The following GRIN2D variants were observed in gnomAD, a reference collection of about 807,000 sequenced individuals.
The protein encoded by GRIN2D is glutamate receptor ionotropic, NMDA 2D.
A neutral mutation model predicts 103.2 loss-of-function variants in GRIN2D; 37 were observed. The observed-to-expected ratio is 0.36, with a 90% CI of 0.28 to 0.47. GRIN2D has a LOEUF of 0.47. Among genes scored for constraint, GRIN2D ranks in the 20% least tolerant of loss-of-function variants. GRIN2D has a pLI of 1.00. For synonymous variants in GRIN2D, 845 were observed against 885.6 expected (o/e 0.95, Z 0.81); for missense variants, 1,557 against 1,910.6 (o/e 0.81, Z 3.45).
At chr19:48,396,556 T>TG (rs1320807888) in intron 2 of GRIN2D, among the ~76,000 whole-genome samples, 8 of 110,002 alleles carry the variant, frequency 7.3e-5, no homozygotes, top group South Asian at 3.0e-4. Flanking sequence ...TGGGGCGGAG[T>TG]GGGGGGGTTA....
intron 2 of GRIN2D, among the ~76,000 whole-genome samples, chr19:48,397,697 C>G (rs1256724051): frequency 6.6e-6 from 1 of 151,928 alleles, no homozygotes; most frequent in African/African-American, 2.4e-5. Flanking sequence ...TCCGTCCTCT[C>G]TCTCTCCGTC....
At chr19:48,397,950 C>G (rs1239658030) in intron 2 of GRIN2D, among the ~76,000 whole-genome samples, 2 of 151,822 alleles carry the variant, frequency 1.3e-5, no homozygotes, top group Non-Finnish European at 2.9e-5. Context: ...CTGTCTCGCC[C>G]TATCTCTGCG....
intron 4 of GRIN2D, among the ~76,000 whole-genome samples, chr19:48,406,316 G>T (rs1343674096): frequency 6.6e-6 from 1 of 152,252 alleles, no homozygotes; most frequent in Non-Finnish European, 1.5e-5. Flanking sequence ...CTGGACAGGT[G>T]TGTGCCCAAC....
intron 9 of GRIN2D, 74 bp downstream of exon 9, chr19:48,419,433 GC>G (rs1970988698): frequency 1.3e-6 from 2 of 1,530,978 alleles, no homozygotes; most frequent in Admixed American, 2.0e-5. Flanking sequence ...TTTCCCAGCA[GC>G]CCCTGGAGGG....
Position 48,406,198 on chromosome 19 carries a change from A to G in GRIN2D, c.1085+845A>G, listed in dbSNP as rs142905102. ...GACGTCCATTCCTGGCTAGACGTCC[A>G]TTCTGATTGGCTAGTGCCTGTGCAG... On this transcript the variant is annotated intron_variant, in intron 4 of 13. Coordinates refer to ENST00000263269, the MANE Select transcript of GRIN2D (RefSeq NM_000836.4). 2.5e-4 allele frequency among the ~76,000 whole-genome samples: 38 copies of G among 152,316 alleles called. 1 individual carries two copies. Among genetic ancestry groups the G allele is most frequent in the Middle Eastern group, 3.4e-3 (1 of 294 alleles).
chr19:48,427,196 C>G (rs1971096514), intron 11 of GRIN2D, among the ~76,000 whole-genome samples: 1 of 151,926 alleles, frequency 6.6e-6, no homozygotes, highest in African/African-American at 2.4e-5. Context: ...TGGCAGGCAC[C>G]TGTAATCCCA....
rs1971017204 is a variant in GRIN2D at position 48,421,141 on chromosome 19, T to G, written c.2092-644T>G. Among the ~76,000 whole-genome samples the G allele has an allele frequency of 6.6e-6, 1 of 152,168 alleles. No individual in the cohort carries two copies. The highest frequency in any genetic ancestry group is 2.4e-5 in the African/African-American group (1 of 41,444). ...TAAGTTTGGTTTTACAAAACTTGTTTTAGTTGTCTGGGCGCGGTGGCTTAT... is the reference window on the plus strand; with the variant it reads ...TAAGTTTGGTTTTACAAAACTTGTTGTAGTTGTCTGGGCGCGGTGGCTTAT... On this transcript the variant is annotated intron_variant, in intron 10 of 13. Coordinates refer to ENST00000263269, the MANE Select transcript of GRIN2D (RefSeq NM_000836.4). This position sits in a 1 kb window ranked among gnomAD's most constrained non-coding sequence, Gnocchi z 4.8.
chr19:48,442,436 G>A lies in GRIN2D; in HGVS notation c.2673+54G>A, dbSNP rs1971308916. ...GGGAGATGGCAGGGGCGGGGACAAA[G>A]GTAAAGCCGAGCAGAGACAAGGAGA... On this transcript the variant is annotated intron_variant, in intron 13 of 13. Coordinates refer to ENST00000263269, the MANE Select transcript of GRIN2D (RefSeq NM_000836.4). The surrounding 1 kb of genome is among the most constrained non-coding windows in gnomAD (Gnocchi z 7.2). The A allele has an allele frequency of 8.3e-6, 13 of 1,570,268 alleles. No individual in the cohort carries two copies. The highest frequency in any genetic ancestry group is 1.1e-5 in the South Asian group (1 of 89,832).
In GRIN2D at chr19:48,443,600, G is replaced by A. The variant is rs558749972; in HGVS notation, c.3674G>A (p.Arg1225His). ...AAGPLPRRRA[R>H]CGCPRSHPHR... is the part of the protein sequence containing the mutation. Reference sequence around the variant, plus strand: ...GGGCCCCTGCCCCGACGCCGGGCCCGCTGCGGGTGCCCGCGGTCGCACCCG... The same window carrying A: ...GGGCCCCTGCCCCGACGCCGGGCCCACTGCGGGTGCCCGCGGTCGCACCCG... The change falls in exon 14 of 14, where the codon CGC becomes CAC. Residue 1225 changes from arginine (R) to histidine (H), a missense_variant. This residue lies in a region of GRIN2D where 632 missense variants were observed against 572.8 expected (regional missense o/e 1.10). Transcript: ENST00000263269. This position sits in a 1 kb window ranked among gnomAD's most constrained non-coding sequence, Gnocchi z 8.9. 4 of 1,143,686 alleles carry A rather than the reference G, an allele frequency of 3.5e-6. No homozygotes were observed. Among genetic ancestry groups the A allele is most frequent in the African/African-American group, 3.3e-5 (2 of 60,308 alleles). 70.8% of individuals were successfully genotyped at this position (1,143,686 alleles called of 1,614,324 possible).
intron 4 of GRIN2D, among the ~76,000 whole-genome samples, chr19:48,409,635 G>A (rs1452381489): frequency 2.6e-5 from 4 of 152,076 alleles, no homozygotes; most frequent in Non-Finnish European, 4.4e-5. Flanking sequence ...TTGCCTGTTC[G>A]GAAGCCTGTT....
intron 4 of GRIN2D, among the ~76,000 whole-genome samples, chr19:48,411,651 T>TAATAAATA (rs555516676): frequency 4.6e-5 from 7 of 151,274 alleles, no homozygotes; most frequent in African/African-American, 1.5e-4. Context: ...TCCATCTCAA[T>TAATAAATA]AATAAATAAA....
intron 11 of GRIN2D, among the ~76,000 whole-genome samples, chr19:48,429,060 C>T (rs1971123704): frequency 6.6e-6 from 1 of 152,132 alleles, no homozygotes; most frequent in Non-Finnish European, 1.5e-5. Flanking sequence ...CAAAGGACAC[C>T]CCTGTGTTTC....
chr19:48,409,930 G>A (rs1970834975), intron 4 of GRIN2D, among the ~76,000 whole-genome samples: 1 of 151,326 alleles, frequency 6.6e-6, no homozygotes. Context: ...GATTACAGGT[G>A]CCCGCCACCA....
chr19:48,395,091 T>C (rs1366754044), intron 2 of GRIN2D, among the ~76,000 whole-genome samples, 155 bp downstream of exon 2: 1 of 151,616 alleles, frequency 6.6e-6, no homozygotes, highest in African/African-American at 2.4e-5. Flanking sequence ...CCTCAGGGAC[T>C]CTCCTCCACC....
In GRIN2D at chr19:48,398,631, C is replaced by G; in HGVS notation, c.239C>G (p.Pro80Arg). The change falls in exon 3 of 14, where the codon CCG (proline) becomes CGG (arginine). Residue 80 changes from proline (P) to arginine (R), a missense_variant. Coordinates refer to ENST00000263269, the MANE Select transcript of GRIN2D (RefSeq NM_000836.4). Reference protein sequence around the residue: ...GPAVAAAVRSPGLDVRPVALV... With the variant: ...GPAVAAAVRSRGLDVRPVALV... ...GCCGTGGCGGCGGCGGTGCGCAGCC[C>G]GGGCCTAGACGTGCGGCCCGTGGCG... 1 of 1,346,704 alleles carries G rather than the reference C, an allele frequency of 7.4e-7. No homozygotes were observed. The highest frequency in any genetic ancestry group is 9.6e-7 in the Non-Finnish European group (1 of 1,045,104). 83.4% of individuals were successfully genotyped at this position (1,346,704 alleles called of 1,614,324 possible).
intron 2 of GRIN2D, among the ~76,000 whole-genome samples, chr19:48,395,477 T>G (rs1970627791): frequency 6.6e-6 from 1 of 151,172 alleles, no homozygotes; most frequent in African/African-American, 2.4e-5. Flanking sequence ...AGGATTCGGG[T>G]GGGGAGAGAC....
chr19:48,428,913 G>A (rs1971121603), intron 11 of GRIN2D, among the ~76,000 whole-genome samples: 1 of 152,114 alleles, frequency 6.6e-6, no homozygotes, highest in African/African-American at 2.4e-5. Context: ...TCTGCTAAGT[G>A]GCAGAACTAG....
Position 48,398,842 on chromosome 19 carries a change from C to G in GRIN2D, c.450C>G (p.Leu150=). The G allele has an allele frequency of 7.5e-7, 1 of 1,338,278 alleles. No individual in the cohort carries two copies. The highest frequency in any genetic ancestry group is 9.6e-7 in the Non-Finnish European group (1 of 1,041,752). The allele number at this position is 1,338,278 out of a possible 1,614,324, so 82.9% of individuals were successfully genotyped here. A position where few individuals can be genotyped will look rare whatever the true frequency, so the allele number is the denominator to read the frequency against. Residue 150 remains leucine, a synonymous_variant, in exon 3 of 14, where the codon CTC becomes CTG. Transcript: ENST00000263269. ...TGGCCGTGCACGGCGGCGCCGCGCTCGTGCTCACGCCCAAGGTGCGCGCGA... is the reference window on the plus strand; with the variant it reads ...TGGCCGTGCACGGCGGCGCCGCGCTGGTGCTCACGCCCAAGGTGCGCGCGA... ...PIVAVHGGAA[L]VLTPKEKGST... is the part of the protein sequence containing the mutation.
intron 2 of GRIN2D, among the ~76,000 whole-genome samples, chr19:48,397,860 C>T (rs1014818180): frequency 6.6e-6 from 1 of 151,884 alleles, no homozygotes; most frequent in South Asian, 2.1e-4. Context: ...TCCCCTCTTA[C>T]CTCTGTATCT....
Sources: gnomAD v4.1 joint callset for allele counts (sites outside exome capture counted in the v4.1 genomes callset) on GRCh38, gnomAD v4.1.1 for gene constraint, gnomAD v4.1.1 regional missense constraint, Gnocchi (gnomAD v3.1) non-coding constraint, MANE v1.5 for transcripts, NCBI Gene and HGNC (gene_info 2026-07-23, HGNC 2026-07-21) for gene names.